ERC1: variants seen among roughly 807,000 people sequenced by gnomAD.
The protein encoded by ERC1 is ELKS/RAB6-interacting/CAST family member 1.
A neutral mutation model predicts 132.0 loss-of-function variants in ERC1; 56 were observed. The ratio of observed to expected loss-of-function variants is 0.42; its 90% CI spans 0.34 to 0.53. The LOEUF (loss-of-function observed/expected upper bound fraction) is 0.53, where lower values mean the gene tolerates loss of function less well. Ranked by LOEUF, ERC1 falls within the 20% of genes least tolerant of loss-of-function variation. The pLI is 0.03. For missense variants in ERC1, 1,202 were observed against 1,349.9 expected (o/e 0.89, Z 1.72); for synonymous variants, 478 against 476.1 (o/e 1.00, Z -0.05).
intron 6 of ERC1, among the ~76,000 whole-genome samples, 165 bp downstream of exon 6, chr12:1,112,463 C>CTAG (rs748957009): frequency 1.3e-5 from 2 of 152,240 alleles, no homozygotes; most frequent in Non-Finnish European, 2.9e-5. Flanking sequence ...CTCCTGTTCA[C>CTAG]TAGTTTGACC....
intron 8 of ERC1, among the ~76,000 whole-genome samples, chr12:1,174,399 G>T (rs780454679): frequency 3.9e-5 from 6 of 152,104 alleles, no homozygotes; most frequent in Non-Finnish European, 7.3e-5. Context: ...TTTTCACTCC[G>T]ACTCAACAGT....
At chr12:1,410,824 G>A (rs946744389) in intron 17 of ERC1, among the ~76,000 whole-genome samples, 1 of 151,620 alleles carries the variant, frequency 6.6e-6, no homozygotes, top group Admixed American at 6.6e-5. Context: ...TATGAAATTG[G>A]CAATAGAAAA....
At chr12:1,279,567 T>A (rs888513110) in intron 14 of ERC1, among the ~76,000 whole-genome samples, 7 of 151,914 alleles carry the variant, frequency 4.6e-5, no homozygotes, top group African/African-American at 1.2e-4. Flanking sequence ...GTGAAAAAAT[T>A]AAGTCCAGTG....
At chr12:1,390,500 T>C (rs898165451) in intron 16 of ERC1, 1 of 152,210 alleles carries the variant, frequency 6.6e-6, no homozygotes, top group African/African-American at 2.4e-5. Flanking sequence ...AATTAACATT[T>C]ACTACTATTA....
chr12:1,492,816 G>A lies in ERC1; in HGVS notation c.*2586G>A, dbSNP rs2094329017. The A allele has an allele frequency of 4.3e-6, 1 of 231,346 alleles. No individual in the cohort carries two copies. Among genetic ancestry groups the A allele is most frequent in the South Asian group, 1.8e-4 (1 of 5,510 alleles). The allele number at this position is 231,346 out of a possible 1,614,324, so 14.3% of individuals were successfully genotyped here. On this transcript the variant is annotated 3_prime_UTR_variant, in exon 19 of 19. Transcript: ENST00000360905. ...CTTTCAGAGTGTCTCATTGAGTCTA[G>A]ATCATTGAACCAACACTTAACCAAA...
intron 7 of ERC1, among the ~76,000 whole-genome samples, chr12:1,121,721 C>G (rs1439510515): frequency 0.016 from 95 of 5,830 alleles, 6 homozygotes; most frequent in African/African-American, 0.023. Flanking sequence ...GTCTCTATCT[C>G]TATCTCTATC....
chr12:1,345,188 T>C (rs1201157875), intron 15 of ERC1, among the ~76,000 whole-genome samples: 5 of 64,508 alleles, frequency 7.8e-5, no homozygotes, highest in African/African-American at 1.5e-4. Flanking sequence ...ATATTTCTTC[T>C]TTTTTTTTTT....
At chr12:1,129,192 A>G (rs560849227) in intron 7 of ERC1, among the ~76,000 whole-genome samples, 2 of 152,318 alleles carry the variant, frequency 1.3e-5, no homozygotes, top group African/African-American at 4.8e-5. Context: ...AAATACTGCC[A>G]GGTAGACTGG....
intron 1 of ERC1, among the ~76,000 whole-genome samples, chr12:996,249 CTTTTTT>C (rs35403554): frequency 4.6e-5 from 2 of 43,764 alleles, no homozygotes; most frequent in Non-Finnish European, 8.6e-5. Flanking sequence ...CCATGCCTGG[CTTTTTT>C]TTTTTTTTTT....
At chr12:1,191,411 C>G (rs1480370246) in intron 12 of ERC1, among the ~76,000 whole-genome samples, 1 of 152,078 alleles carries the variant, frequency 6.6e-6, no homozygotes, top group Admixed American at 6.5e-5. Context: ...TGCATAGATA[C>G]AAAAATGCGG....
chr12:1,143,673 T>C (rs1432865258), intron 8 of ERC1, among the ~76,000 whole-genome samples: 1 of 151,950 alleles, frequency 6.6e-6, no homozygotes. Context: ...GTTGCATTTT[T>C]TATTGGGAGT....
At chr12:997,800 A>G (rs1762844167) in intron 1 of ERC1, among the ~76,000 whole-genome samples, 1 of 152,324 alleles carries the variant, frequency 6.6e-6, no homozygotes, top group South Asian at 2.1e-4. Context: ...GTGGAGTGGA[A>G]GAGACTGAGT....
At chr12:1,197,979 G>T (rs1343491385) in intron 12 of ERC1, among the ~76,000 whole-genome samples, 1 of 151,694 alleles carries the variant, frequency 6.6e-6, no homozygotes, top group Non-Finnish European at 1.5e-5. Flanking sequence ...AGGGTGGAGT[G>T]CAGTGGCACT....
intron 17 of ERC1, among the ~76,000 whole-genome samples, chr12:1,435,144 T>A (rs2092914875): frequency 6.6e-6 from 1 of 152,214 alleles, no homozygotes; most frequent in Admixed American, 6.5e-5. Flanking sequence ...TATAAAATTT[T>A]CAGAAAGAAT....
At chr12:1,356,939 A>C (rs2085598067) in intron 15 of ERC1, among the ~76,000 whole-genome samples, 1 of 152,146 alleles carries the variant, frequency 6.6e-6, no homozygotes, top group Non-Finnish European at 1.5e-5. Context: ...GAAGGTAATA[A>C]ATTACCGGGT....
intron 2 of ERC1, among the ~76,000 whole-genome samples, chr12:1,064,878 A>G (rs1355941489): frequency 6.6e-6 from 1 of 152,164 alleles, no homozygotes; most frequent in African/African-American, 2.4e-5. Context: ...TGTCTATGCC[A>G]TTTACCATCT....
intron 17 of ERC1, among the ~76,000 whole-genome samples, chr12:1,420,863 T>C (rs2092396680): frequency 6.9e-6 from 1 of 145,954 alleles, no homozygotes; most frequent in Non-Finnish European, 1.5e-5. Flanking sequence ...AGGGTGTGCA[T>C]TTATTGGTTT....
At chr12:1,158,204 T>A (rs1951571890) in intron 8 of ERC1, among the ~76,000 whole-genome samples, 1 of 152,160 alleles carries the variant, frequency 6.6e-6, no homozygotes, top group Admixed American at 6.5e-5. Context: ...TTAAAAATAG[T>A]TTATTTATAT....
chr12:1,136,337 C>T (rs1328317865), intron 7 of ERC1, among the ~76,000 whole-genome samples: 1 of 152,192 alleles, frequency 6.6e-6, no homozygotes, highest in South Asian at 2.1e-4. Context: ...TCTTCCTCAC[C>T]AGCCATCTTC....
Sources: gnomAD v4.1 joint callset for allele counts (sites outside exome capture counted in the v4.1 genomes callset) on GRCh38, gnomAD v4.1.1 for gene constraint, MANE v1.5 for transcripts, NCBI Gene and HGNC (gene_info 2026-07-23, HGNC 2026-07-21) for gene names.